The following FTCDNL1 variants were observed in gnomAD, a reference collection of about 807,000 sequenced individuals.
FTCDNL1 encodes the protein formiminotransferase N-terminal subdomain-containing protein.
In FTCDNL1, 11 loss-of-function variants were observed where a neutral mutation model predicts 5.9. The observed-to-expected ratio is 1.87, with a 90% CI of 1.18 to 3.10. FTCDNL1 has a LOEUF of 3.10. FTCDNL1 is among the 30% of genes most tolerant of loss of function. The pLI, the probability that FTCDNL1 is intolerant of heterozygous loss-of-function variation, is 0.00. For synonymous variants in FTCDNL1, 58 were observed against 24.8 expected, an observed-to-expected ratio of 2.34 and a Z score of -3.99; for missense variants, 115 against 65.5, an observed-to-expected ratio of 1.76 and a Z score of -2.61.
At position 199,835,434 on chromosome 2, in the gene FTCDNL1, A is replaced by C. The variant is rs115529232; in HGVS notation, c.211+10641T>G. ...TAATTAATGATGCTATAATTATTGT[A>C]ATATCATAATACATTGTTGTCATTA... On this transcript the variant is annotated intron_variant, in intron 3 of 4. Coordinates refer to ENST00000420128, the MANE Select transcript of FTCDNL1 (RefSeq NM_001363886.2). 1.5e-3 allele frequency among the ~76,000 whole-genome samples: 221 copies of C among 152,324 alleles called. 2 individuals carry two copies. Among genetic ancestry groups the C allele is most frequent in the African/African-American group, 5.0e-3 (207 of 41,566 alleles).
In FTCDNL1 at chr2:199,810,948, G is replaced by T. The variant is rs189357100; in HGVS notation, c.*1757C>A. Among the ~76,000 whole-genome samples the T allele has an allele frequency of 7.9e-5, 12 of 152,240 alleles. No individual in the cohort carries two copies. Among genetic ancestry groups the T allele is most frequent in the African/African-American group, 2.9e-4 (12 of 41,536 alleles). On this transcript the variant is annotated 3_prime_UTR_variant, in exon 5 of 5. Coordinates refer to ENST00000420128, the MANE Select transcript of FTCDNL1 (RefSeq NM_001363886.2). ...TTCCCTAGACTACGATGGTTTGGGGGCTTTGTTGCCTAGCCTGGCTACTCT... is the reference window on the plus strand; with the variant it reads ...TTCCCTAGACTACGATGGTTTGGGGTCTTTGTTGCCTAGCCTGGCTACTCT...
the FTCDNL1 span, among the ~76,000 whole-genome samples, chr2:199,736,538 C>T: frequency 6.6e-6 from 1 of 152,180 alleles, no homozygotes; most frequent in African/African-American, 2.4e-5. Context: ...AACAGTATGC[C>T]TTCTGTCTCA....
At position 199,823,413 on chromosome 2, in the gene FTCDNL1, G is replaced by A. The variant is rs548749635; in HGVS notation, c.212-3656C>T. On this transcript the variant is annotated intron_variant, in intron 3 of 4. Transcript: ENST00000420128. ...CAAGGTTTTCAATTTACTTTTTCCA[G>A]ATCCATCAGAGGAATCACTATCTAC... is the stretch of plus-strand genomic sequence containing the variant. Among the ~76,000 whole-genome samples the A allele has an allele frequency of 3.0e-4, 45 of 152,154 alleles. No homozygotes were observed. In the South Asian group the frequency reaches 4.2e-3, roughly 14 times the overall value.
chr2:199,736,289 A>C, the FTCDNL1 span, among the ~76,000 whole-genome samples: 1 of 152,220 alleles, frequency 6.6e-6, no homozygotes, highest in Non-Finnish European at 1.5e-5. Flanking sequence ...AACATGCCTC[A>C]GGTTTTCATT....
At chr2:199,703,010 G>GGGTT in the FTCDNL1 span, among the ~76,000 whole-genome samples, 50 of 139,648 alleles carry the variant, frequency 3.6e-4, no homozygotes, top group African/African-American at 1.1e-3. Context: ...CAAGGACTCT[G>GGGTT]GGTTTGTTTG....
chr2:199,762,191 C>T (rs981100679), intron 3 of FTCDNL1, among the ~76,000 whole-genome samples: 17 of 152,158 alleles, frequency 1.1e-4, no homozygotes, highest in African/African-American at 3.9e-4. Context: ...CCAGCCTGCC[C>T]AATATAGTGA....
chr2:199,834,619 C>T (rs1043409848), intron 3 of FTCDNL1, among the ~76,000 whole-genome samples: 2 of 152,132 alleles, frequency 1.3e-5, no homozygotes, highest in Non-Finnish European at 2.9e-5. Context: ...TAGTCCCAGC[C>T]GCCAATACTA....
At chr2:199,726,311 T>C in the FTCDNL1 span, among the ~76,000 whole-genome samples, 3 of 152,218 alleles carry the variant, frequency 2.0e-5, no homozygotes, top group Non-Finnish European at 4.4e-5. Flanking sequence ...CATTCTTAGC[T>C]TCTTTGCATT....
chr2:199,697,201 G>A, the FTCDNL1 span, among the ~76,000 whole-genome samples: 315 of 152,278 alleles, frequency 2.1e-3, 1 homozygote, highest in African/African-American at 7.4e-3. Flanking sequence ...GAACCTGGGA[G>A]GCAGAGCTTG....
At chr2:199,802,222 T>A (rs1187687690) in intron 3 of FTCDNL1, among the ~76,000 whole-genome samples, 1 of 152,190 alleles carries the variant, frequency 6.6e-6, no homozygotes, top group Non-Finnish European at 1.5e-5. Context: ...GTGAACATAT[T>A]ACCCAGGACT....
the FTCDNL1 span, among the ~76,000 whole-genome samples, chr2:199,674,663 C>T: frequency 6.6e-6 from 1 of 152,174 alleles, no homozygotes; most frequent in African/African-American, 2.4e-5. Context: ...GTCTTAGCAA[C>T]TATGTCCTCA....
chr2:199,817,513 AC>A (rs970739864), intron 4 of FTCDNL1, among the ~76,000 whole-genome samples: 8 of 152,192 alleles, frequency 5.3e-5, no homozygotes, highest in Admixed American at 3.9e-4. Flanking sequence ...TGGGCCAGGC[AC>A]GGGGGGTCAC....
the FTCDNL1 span, among the ~76,000 whole-genome samples, chr2:199,705,794 C>A: frequency 6.6e-6 from 1 of 152,172 alleles, no homozygotes; most frequent in African/African-American, 2.4e-5. Context: ...AGATTAGATG[C>A]ACAAAAGATG....
rs185924663 is a variant in FTCDNL1, at chr2:199,781,873, G to A, written c.212-21038C>T. On this transcript the variant is annotated intron_variant, in intron 3 of 3. Transcript: ENST00000416668. ...CGGCTCACTGCAAGCTCCGCCTCCC[G>A]GGTTCACACCATTCTCCTGCCTCAG... Among the ~76,000 whole-genome samples the A allele has an allele frequency of 6.9e-3, 1,043 of 152,114 alleles. 8 individuals are homozygous for A. Among genetic ancestry groups the A allele is most frequent in the Non-Finnish European group, 0.011 (767 of 68,002 alleles).
chr2:199,817,090 C>T (rs1423428129), intron 4 of FTCDNL1, among the ~76,000 whole-genome samples: 2 of 152,134 alleles, frequency 1.3e-5, no homozygotes, highest in Non-Finnish European at 2.9e-5. Flanking sequence ...TTGAGTATGC[C>T]ATAGTTTACA....
chr2:199,788,583 CA>C (rs1216211347), intron 3 of FTCDNL1, among the ~76,000 whole-genome samples: 7 of 150,446 alleles, frequency 4.7e-5, no homozygotes, highest in Non-Finnish European at 1.0e-4. Flanking sequence ...TTTGCTATTA[CA>C]AAAAAAGGGC....
chr2:199,750,730 G>A, the FTCDNL1 span, among the ~76,000 whole-genome samples: 2 of 152,210 alleles, frequency 1.3e-5, no homozygotes, highest in Non-Finnish European at 2.9e-5. Context: ...GGCGGACTCT[G>A]TCCACACATC....
chr2:199,742,359 A>T, the FTCDNL1 span, among the ~76,000 whole-genome samples: 1 of 152,074 alleles, frequency 6.6e-6, no homozygotes, highest in Admixed American at 6.5e-5. Context: ...CTGTTTTCCC[A>T]TTAACTGCTC....
intron 3 of FTCDNL1, among the ~76,000 whole-genome samples, chr2:199,801,734 A>G (rs1700460939): frequency 1.3e-5 from 2 of 152,004 alleles, no homozygotes. Flanking sequence ...GCGGATCACA[A>G]GGTCAGGAGA....
Sources: gnomAD v4.1 joint callset for allele counts (sites outside exome capture counted in the v4.1 genomes callset) on GRCh38, gnomAD v4.1.1 for gene constraint, MANE v1.5 for transcripts, NCBI Gene and HGNC (gene_info 2026-07-23, HGNC 2026-07-21) for gene names.